The following MESP1 variants were observed in gnomAD, a reference collection of about 807,000 sequenced individuals.
MESP1 encodes mesoderm posterior bHLH transcription factor 1, also known as mesoderm posterior protein 1.
MESP1 carries 22 observed loss-of-function variants against 15.2 expected under a neutral mutation model. The observed-to-expected ratio is 1.45, with a 90% CI of 1.04 to 2.07. The LOEUF (loss-of-function observed/expected upper bound fraction) is 2.07. MESP1 is among the 30% of genes most tolerant of loss of function. The pLI is 0.00. For missense variants in MESP1, 484 were observed against 411.9 expected (o/e 1.17, Z -1.51); for synonymous variants, 216 against 192.6 (o/e 1.12, Z -1.01).
chr15:89,742,721 C>T, the MESP1 span, among the ~76,000 whole-genome samples: 5 of 151,986 alleles, frequency 3.3e-5, no homozygotes, highest in African/African-American at 1.2e-4. Context: ...TTAGTAGAGA[C>T]GGGGTTTCTC....
downstream of MESP1, among the ~76,000 whole-genome samples, chr15:89,745,977 ATCCACACCTCCACGCATACACACC>A (rs1967935507): frequency 6.8e-6 from 1 of 147,566 alleles, no homozygotes; most frequent in African/African-American, 2.5e-5. This position sits in a 1 kb window ranked among gnomAD's most constrained non-coding sequence, Gnocchi z 4.8. Flanking sequence ...ACCTCCACAC[ATCCACACCTCCACGCATACACACC>A]TCCACACATA....
chr15:89,737,722 G>A, the MESP1 span: 9 of 1,614,054 alleles, frequency 5.6e-6, no homozygotes, highest in Admixed American at 1.7e-5. Flanking sequence ...CATGTTTCCT[G>A]CTCCGAGGTA....
the MESP1 span, chr15:89,737,921 C>A: frequency 7.5e-7 from 1 of 1,340,340 alleles, no homozygotes; most frequent in Non-Finnish European, 1.0e-6. Flanking sequence ...GAAGTCACAG[C>A]TCAACCCAGA....
At chr15:89,741,547 T>A in the MESP1 span, among the ~76,000 whole-genome samples, 2 of 152,166 alleles carry the variant, frequency 1.3e-5, no homozygotes, top group Admixed American at 1.3e-4. Flanking sequence ...CCATTACAGA[T>A]ACAGGGAATT....
chr15:89,735,651 G>C, the MESP1 span: 2 of 1,280,912 alleles, frequency 1.6e-6, no homozygotes, highest in Non-Finnish European at 2.3e-6. Flanking sequence ...TTGAAGGCCT[G>C]TTATGTGTTA....
At chr15:89,733,327 A>G in the MESP1 span, 8 of 1,011,646 alleles carry the variant, frequency 7.9e-6, no homozygotes, top group East Asian at 5.1e-5. Flanking sequence ...CCTTTTGTAT[A>G]GTCATCACTC....
chr15:89,743,988 G>A, the MESP1 span, among the ~76,000 whole-genome samples: 2 of 152,310 alleles, frequency 1.3e-5, no homozygotes, highest in East Asian at 1.9e-4. Context: ...GCTCAGGAAC[G>A]CTAGAGGTGG....
the MESP1 span, among the ~76,000 whole-genome samples, chr15:89,737,883 G>C: frequency 6.6e-6 from 1 of 152,136 alleles, no homozygotes; most frequent in Non-Finnish European, 1.5e-5. Context: ...AGGGCACTTA[G>C]ATAAAATGCC....
the MESP1 span, chr15:89,738,297 A>C: frequency 1.3e-6 from 2 of 1,489,298 alleles, no homozygotes; most frequent in Non-Finnish European, 1.8e-6. Context: ...ATTGAGGGAT[A>C]GTGGAGTTTC....
chr15:89,744,086 T>C, the MESP1 span, among the ~76,000 whole-genome samples: 5 of 152,298 alleles, frequency 3.3e-5, no homozygotes, highest in Admixed American at 3.3e-4. Flanking sequence ...AAGGGATCCG[T>C]GAGGACCCTG....
the MESP1 span, among the ~76,000 whole-genome samples, chr15:89,736,990 A>T: frequency 2.0e-5 from 3 of 152,088 alleles, no homozygotes; most frequent in Non-Finnish European, 4.4e-5. Flanking sequence ...ACGAGGTTTC[A>T]CCGTGTTAGC....
the MESP1 span, among the ~76,000 whole-genome samples, chr15:89,735,903 C>T: frequency 1.3e-5 from 2 of 152,100 alleles, no homozygotes. Context: ...TGAGCTGAGC[C>T]AGAGGAGTTG....
At chr15:89,733,313 T>C in the MESP1 span, 6 of 1,196,282 alleles carry the variant, frequency 5.0e-6, no homozygotes, top group Non-Finnish European at 7.1e-6. Context: ...CTGACTACAG[T>C]CCACCTTTTG....
In MESP1 at chr15:89,750,552, G is replaced by A. The variant is rs1252023644; in HGVS notation, c.680C>T (p.Ala227Val). 5 of 1,474,164 alleles carry A rather than the reference G, an allele frequency of 3.4e-6. No homozygotes were observed. The highest frequency in any genetic ancestry group is 2.3e-5 in the Admixed American group (1 of 43,000). The allele number at this position is 1,474,164 out of a possible 1,614,324, so 91.3% of individuals were successfully genotyped here. ...CTCCATCGCCTGCCCTTCAGGGCAC[G>A]CCGCCTCGGCGAACAGCGCAGGCGG... ...RDPPALFAEA[A>V]CPEGQAMEPS... Residue 227 changes from alanine (A) to valine (V), a missense_variant, in exon 1 of 2, where the codon GCG becomes GTG. Ala to Val is a moderately conservative substitution (Grantham distance 64). Transcript: ENST00000300057.
chr15:89,733,559 C>G, the MESP1 span, among the ~76,000 whole-genome samples: 12 of 152,078 alleles, frequency 7.9e-5, no homozygotes, highest in Non-Finnish European at 1.5e-4. Context: ...CCCACTCATG[C>G]ATTAATGGAT....
chr15:89,735,552 T>C, the MESP1 span: 2 of 1,614,124 alleles, frequency 1.2e-6, no homozygotes, highest in East Asian at 4.5e-5. Flanking sequence ...TTACCTGGCA[T>C]GGTAGGTTCC....
chr15:89,733,316 A>G, the MESP1 span: 1 of 1,148,356 alleles, frequency 8.7e-7, no homozygotes, highest in Admixed American at 2.2e-5. Context: ...ACTACAGTCC[A>G]CCTTTTGTAT....
At chr15:89,739,994 T>C in the MESP1 span, among the ~76,000 whole-genome samples, 3 of 152,214 alleles carry the variant, frequency 2.0e-5, no homozygotes, top group Admixed American at 6.5e-5. Flanking sequence ...AATGAGACCT[T>C]GGGCGAGTTA....
chr15:89,743,610 C>T, the MESP1 span: 1 of 574,552 alleles, frequency 1.7e-6, no homozygotes, highest in Non-Finnish European at 3.1e-6. Context: ...AGATGTGTCA[C>T]CCAAATAAAC....
Sources: allele counts gnomAD v4.1 joint callset (sites outside exome capture counted in the v4.1 genomes callset), GRCh38; gene constraint gnomAD v4.1.1; non-coding constraint Gnocchi (gnomAD v3.1); transcripts MANE v1.5; gene names NCBI Gene and HGNC (gene_info 2026-07-23, HGNC 2026-07-21).